LIPI: variants seen among roughly 807,000 people sequenced by gnomAD.
The protein encoded by LIPI is lipase member I.
A neutral mutation model predicts 50.6 loss-of-function variants in LIPI; 59 were observed. The ratio of observed to expected loss-of-function variants is 1.16; its 90% CI spans 0.94 to 1.45. LIPI has a LOEUF of 1.45. Among genes scored for constraint, LIPI ranks in the 40% most tolerant of loss-of-function variants. The pLI is 0.00. For synonymous variants in LIPI, 203 were observed against 178.2 expected (o/e 1.14, Z -1.11); for missense variants, 586 against 536.3 (o/e 1.09, Z -0.92).
At chr21:14,134,496 C>T (rs2017417729) in intron 9 of LIPI, among the ~76,000 whole-genome samples, 1 of 151,946 alleles carries the variant, frequency 6.6e-6, no homozygotes. Context: ...CAATCCTAAG[C>T]AAAAAGAACA....
chr21:14,116,789 G>A (rs1292837601), intron 9 of LIPI, among the ~76,000 whole-genome samples: 5 of 152,118 alleles, frequency 3.3e-5, no homozygotes, highest in African/African-American at 1.2e-4. Flanking sequence ...ATTATTGTAA[G>A]ACTCTAGTGG....
intron 9 of LIPI, among the ~76,000 whole-genome samples, chr21:14,115,340 T>G (rs13050925): frequency 0.51 from 77,166 of 151,966 alleles, 19,665 homozygotes; most frequent in African/African-American, 0.53. Context: ...AACTGCCTTT[T>G]TTCTCGCTTC....
intron 9 of LIPI, among the ~76,000 whole-genome samples, chr21:14,131,154 G>A (rs1010460674): frequency 1.3e-5 from 2 of 152,040 alleles, no homozygotes; most frequent in Non-Finnish European, 2.9e-5. Flanking sequence ...GTTTCATCAT[G>A]TTAGCCAGGA....
Position 14,189,380 on chromosome 21 carries a change from A to ACACTTAGCT in LIPI, c.77_85dup (p.Ser28_Val29insGluLeuSer), listed in dbSNP as rs1370123529. 6.2e-7 allele frequency: 1 copy of ACACTTAGCT among 1,612,806 alleles called. No homozygotes were observed. Among genetic ancestry groups the ACACTTAGCT allele is most frequent in the Non-Finnish European group, 8.5e-7 (1 of 1,178,936 alleles). ...AAATAAATCTCTGAAGGAATCCTTTACACTTAGCTGAGAGAATTCAAGGCA... is the reference window on the plus strand; with the variant it reads ...AAATAAATCTCTGAAGGAATCCTTTACACTTAGCTCACTTAGCTGAGAGAATTCAAGGCA... On this transcript the variant is annotated inframe_insertion, in exon 2 of 10. Transcript: ENST00000681601.
In LIPI at chr21:14,190,092, A is replaced by G. The variant is rs1322269727; in HGVS notation, c.47-673T>C. On this transcript the variant is annotated intron_variant, in intron 1 of 9. Transcript: ENST00000681601. The stretch of plus-strand genomic sequence containing the variant: ...ATGTATAATGGGACAAAAATGTAAA[A>G]CATCTTAAATCTCATCCTTATAGTA... Among the ~76,000 whole-genome samples the G allele has an allele frequency of 2.6e-5, 4 of 152,238 alleles. No individual in the cohort carries two copies. In the South Asian group the frequency reaches 8.3e-4, roughly 32 times the overall value.
chr21:14,114,671 C>G (rs1205378316), intron 9 of LIPI, among the ~76,000 whole-genome samples: 1 of 152,152 alleles, frequency 6.6e-6, no homozygotes, highest in Non-Finnish European at 1.5e-5. Flanking sequence ...GGTTGGCGGT[C>G]TTTGGTCAGG....
At position 14,190,582 on chromosome 21, in the gene LIPI, A is replaced by G. The variant is rs184714639; in HGVS notation, c.47-1163T>C. Among the ~76,000 whole-genome samples the G allele has an allele frequency of 1.5e-4, 23 of 152,316 alleles. No homozygotes were observed. The East Asian group carries it at 4.4e-3, about 29-fold the overall frequency. ...CTTACAATAATTCTAGTTTTCAAGT[A>G]TATACACAATATTGTCACAATTGAT... On this transcript the variant is annotated intron_variant, in intron 1 of 9. Coordinates refer to ENST00000681601, the MANE Select transcript of LIPI (RefSeq NM_001302998.2).
intron 4 of LIPI, among the ~76,000 whole-genome samples, chr21:14,169,511 G>A (rs1473784583): frequency 1.3e-5 from 2 of 152,126 alleles, no homozygotes; most frequent in Admixed American, 6.5e-5. Context: ...ATAACAAACT[G>A]TCTCTCAGAC....
chr21:14,110,900 T>C (rs1021500975), intron 9 of LIPI, among the ~76,000 whole-genome samples: 5 of 148,696 alleles, frequency 3.4e-5, no homozygotes, highest in Non-Finnish European at 7.4e-5. Flanking sequence ...GATATATATA[T>C]GCATACTATA....
chr21:14,209,614 T>C (rs1426835119), intron 1 of LIPI, among the ~76,000 whole-genome samples: 2 of 152,128 alleles, frequency 1.3e-5, no homozygotes, highest in African/African-American at 4.8e-5. Context: ...TAATCATCAT[T>C]ACACAAGAAT....
intron 9 of LIPI, among the ~76,000 whole-genome samples, chr21:14,114,844 A>G (rs553057196): frequency 6.6e-6 from 1 of 152,372 alleles, no homozygotes. Flanking sequence ...GCTCAAAATC[A>G]GTGACAAAGA....
chr21:14,155,120 T>G (rs2018229149), intron 7 of LIPI, among the ~76,000 whole-genome samples: 1 of 151,806 alleles, frequency 6.6e-6, no homozygotes, highest in South Asian at 2.1e-4. Flanking sequence ...AAAAATGAAG[T>G]TACAGAAACA....
intron 1 of LIPI, among the ~76,000 whole-genome samples, chr21:14,207,867 C>A (rs1280788154): frequency 6.6e-6 from 1 of 152,106 alleles, no homozygotes. Context: ...ATTTATGTTA[C>A]CTTCTTTGAG....
At chr21:14,133,080 C>T (rs1425896344) in intron 9 of LIPI, among the ~76,000 whole-genome samples, 1 of 152,124 alleles carries the variant, frequency 6.6e-6, no homozygotes, top group Non-Finnish European at 1.5e-5. Context: ...ACCAAACACA[C>T]AAGAAACTAA....
At chr21:14,165,452 A>T in intron 5 of LIPI, 62 bp from the exon 6 acceptor site, 1 of 1,247,768 alleles carries the variant, frequency 8.0e-7, no homozygotes, top group Non-Finnish European at 1.2e-6. Flanking sequence ...AAGTACATTT[A>T]AAAACAAAGT....
At chr21:14,118,496 A>G (rs1252876615) in intron 9 of LIPI, among the ~76,000 whole-genome samples, 1 of 152,194 alleles carries the variant, frequency 6.6e-6, no homozygotes, top group Non-Finnish European at 1.5e-5. Context: ...TATTAGGAAG[A>G]GACTTACTAC....
chr21:14,174,767 C>T (rs2019037460), intron 4 of LIPI, among the ~76,000 whole-genome samples: 1 of 152,132 alleles, frequency 6.6e-6, no homozygotes, highest in Non-Finnish European at 1.5e-5. Context: ...GCCAGCCAGG[C>T]TGGTCTCGAA....
At chr21:14,132,424 C>A (rs1314224058) in intron 9 of LIPI, among the ~76,000 whole-genome samples, 1 of 151,996 alleles carries the variant, frequency 6.6e-6, no homozygotes, top group African/African-American at 2.4e-5. Context: ...GTGCTGAAAA[C>A]ACACACACAC....
chr21:14,195,196 GA>G (rs1415562282), intron 1 of LIPI, among the ~76,000 whole-genome samples: 3 of 152,096 alleles, frequency 2.0e-5, no homozygotes, highest in Non-Finnish European at 4.4e-5. Flanking sequence ...CCAGGCAGAA[GA>G]AAAACTCTGA....
Sources: allele counts gnomAD v4.1 joint callset (sites outside exome capture counted in the v4.1 genomes callset), GRCh38; gene constraint gnomAD v4.1.1; transcripts MANE v1.5; gene names NCBI Gene and HGNC (gene_info 2026-07-23, HGNC 2026-07-21).